The following NPR2 variants were observed in gnomAD, a reference collection of about 807,000 sequenced individuals.
NPR2 encodes atrial natriuretic peptide receptor 2.
NPR2 carries 49 observed loss-of-function variants against 120.7 expected under a neutral mutation model. The observed-to-expected ratio is 0.41, with a 90% confidence interval of 0.32 to 0.52. The LOEUF (loss-of-function observed/expected upper bound fraction) is 0.52, where lower values mean the gene tolerates loss of function less well. NPR2 is among the 20% of genes least tolerant of loss of function. The pLI is 0.36. For synonymous variants in NPR2, 484 were observed against 519.8 expected (o/e 0.93, Z 0.94); for missense variants, 931 against 1,362.9 (o/e 0.68, Z 4.99).
Position 35,799,475 on chromosome 9 carries a change from A to G in NPR2, c.874-143A>G, listed in dbSNP as rs139873747. ...ACACACACGCAGAGAGAGAGAGGTTAGTAGCCCTTTCAAAGCCTTCAGACT... is the reference window on the plus strand; with the variant it reads ...ACACACACGCAGAGAGAGAGAGGTTGGTAGCCCTTTCAAAGCCTTCAGACT... On this transcript the variant is annotated intron_variant, in intron 2 of 21. Coordinates refer to ENST00000342694, the MANE Select transcript of NPR2 (RefSeq NM_003995.4). 2.5e-4 allele frequency: 171 copies of G among 692,938 alleles called. No homozygotes were observed. The East Asian group carries it at 4.8e-3, about 19-fold the overall frequency. 42.9% of individuals were successfully genotyped at this position (692,938 alleles called of 1,614,324 possible).
Position 35,809,147 on chromosome 9 carries a change from C to T in NPR2, c.2987-9C>T. 6.2e-7 allele frequency: 1 copy of T among 1,612,094 alleles called. No homozygotes were observed. Among genetic ancestry groups the T allele is most frequent in the Non-Finnish European group, 8.5e-7 (1 of 1,178,304 alleles). On this transcript the variant is annotated splice_polypyrimidine_tract_variant and intron_variant, in intron 20 of 21. Transcript: ENST00000342694. This position sits in a 1 kb window ranked among gnomAD's most constrained non-coding sequence, Gnocchi z 4.1. ...CATTCCACCATCCTCCCCATTCCAC[C>T]CACCCCAGCGCTGAAGATCCATGTC... is the stretch of plus-strand genomic sequence containing the variant.
chr9:35,802,517 G>C lies in NPR2; in HGVS notation c.1725G>C (p.Gln575His). ...TTTTCTGCCAGATGAGAGATGTTCAGTTCAACCATCTCACTCGCTTCATTG... is the reference window on the plus strand; with the variant it reads ...TTTTCTGCCAGATGAGAGATGTTCACTTCAACCATCTCACTCGCTTCATTG... The part of the protein sequence containing the change: ...LFELKHMRDV[Q>H]FNHLTRFIGA... Residue 575 changes from glutamine to histidine, a missense_variant, in exon 11 of 22, where the codon CAG becomes CAC. This residue lies in a region of NPR2 where 681 missense variants were observed against 974.3 expected (regional missense o/e 0.70). Coordinates refer to ENST00000342694, the MANE Select transcript of NPR2 (RefSeq NM_003995.4). The surrounding 1 kb of genome is among the most constrained non-coding windows in gnomAD (Gnocchi z 4.2). The C allele has an allele frequency of 1.3e-6, 2 of 1,590,810 alleles. No homozygotes were observed. Among genetic ancestry groups the C allele is most frequent in the Non-Finnish European group, 1.7e-6 (2 of 1,158,758 alleles).
rs781541035 is a variant in NPR2 at position 35,808,750 on chromosome 9, C to T, written c.2888-5C>T. 3 of 1,613,040 alleles carry T rather than the reference C, an allele frequency of 1.9e-6. No individual in the cohort carries two copies. Among genetic ancestry groups the T allele is most frequent in the Non-Finnish European group, 2.5e-6 (3 of 1,179,088 alleles). On this transcript the variant is annotated splice_region_variant and splice_polypyrimidine_tract_variant and intron_variant, in intron 19 of 21. Coordinates refer to ENST00000342694, the MANE Select transcript of NPR2 (RefSeq NM_003995.4). The surrounding 1 kb of genome is among the most constrained non-coding windows in gnomAD (Gnocchi z 4.0). Reference sequence around the variant, plus strand: ...CAGACTCTCCCAACCTGTTTCTTCTCAAAGGGCCAGTCTGTGCTGGGGTTG... The same window carrying T: ...CAGACTCTCCCAACCTGTTTCTTCTTAAAGGGCCAGTCTGTGCTGGGGTTG...
In NPR2 at chr9:35,806,761, C is replaced by G. The variant is rs999937082; in HGVS notation, c.2519+223C>G. 1.3e-5 allele frequency among the ~76,000 whole-genome samples: 2 copies of G among 152,202 alleles called. No homozygotes were observed. Among genetic ancestry groups the G allele is most frequent in the Non-Finnish European group, 2.9e-5 (2 of 68,036 alleles). The stretch of plus-strand genomic sequence containing the variant: ...CTTCTTAAGACCCTGCTCTACCACA[C>G]CCTTGCTTCAGCAAGTGTATGTAAA... On this transcript the variant is annotated intron_variant, in intron 16 of 21. Coordinates refer to ENST00000342694, the MANE Select transcript of NPR2 (RefSeq NM_003995.4). The surrounding 1 kb of genome is among the most constrained non-coding windows in gnomAD (Gnocchi z 4.6).
rs1412769341 is a variant in NPR2, at chr9:35,800,971, TC to T, written c.1352-97del. 3.3e-6 allele frequency: 5 copies of T among 1,534,232 alleles called. No individual in the cohort carries two copies. In the African/African-American group the frequency reaches 6.8e-5, roughly 21 times the overall value. ...TCTGCATCCCTCCCTCCTCATTTCT[TC>T]CTACTCCCAAGGAGTCTGTCTATGC... On this transcript the variant is annotated intron_variant, in intron 6 of 21. Coordinates refer to ENST00000342694, the MANE Select transcript of NPR2 (RefSeq NM_003995.4). This position sits in a 1 kb window ranked among gnomAD's most constrained non-coding sequence, Gnocchi z 4.7.
In NPR2 at chr9:35,792,405, C is replaced by T. The variant is rs374426269; in HGVS notation, c.-4C>T. The stretch of plus-strand genomic sequence containing the variant: ...GGGGGCGGTGGGGCTGCTGCTTTAT[C>T]CCCATGGCGCTGCCATCACTTCTGC... On this transcript the variant is annotated 5_prime_UTR_variant, in exon 1 of 22. Coordinates refer to ENST00000342694, the MANE Select transcript of NPR2 (RefSeq NM_003995.4). 3.7e-6 allele frequency: 6 copies of T among 1,610,250 alleles called. No individual in the cohort carries two copies. The highest frequency in any genetic ancestry group is 4.2e-6 in the Non-Finnish European group (5 of 1,179,514).
chr9:35,797,830 C>T (rs13288085), intron 2 of NPR2, among the ~76,000 whole-genome samples: 21,476 of 152,000 alleles, frequency 0.14, 1,990 homozygotes, highest in East Asian at 0.3. Flanking sequence ...TTAGGGGGAC[C>T]ATGGGGTCAA....
chr9:35,806,267 G>T lies in NPR2; in HGVS notation c.2372+34G>T. ...GCATTATGGGGCAGGGGCTTCCCAG[G>T]GATAGAAGACTCATTAGTCCTAGTG... On this transcript the variant is annotated intron_variant, in intron 15 of 21. Transcript: ENST00000342694. This position sits in a 1 kb window ranked among gnomAD's most constrained non-coding sequence, Gnocchi z 4.6. 1 of 1,613,726 alleles carries T rather than the reference G, an allele frequency of 6.2e-7. No individual in the cohort carries two copies. The highest frequency in any genetic ancestry group is 8.5e-7 in the Non-Finnish European group (1 of 1,179,792).
chr9:35,801,646 G>C lies in NPR2; in HGVS notation c.1440G>C (p.Lys480Asn), dbSNP rs775388822. 21 of 1,614,108 alleles carry C rather than the reference G, an allele frequency of 1.3e-5. No homozygotes were observed. The highest frequency in any genetic ancestry group is 1.7e-5 in the Non-Finnish European group (20 of 1,180,040). ...CTGAGGTGTGCAGTCCTTACAGAAA[G>C]CTGATGCTGGAGAAGGAGCTGGCTA... ...FGVSSFLIFRKLMLEKELASM... is the reference protein window; with the variant it reads ...FGVSSFLIFRNLMLEKELASM... The change falls in exon 8 of 22, where the codon AAG becomes AAC. Residue 480 changes from lysine to asparagine, a missense_variant. Physicochemically the swap from Lys to Asn is moderately conservative, Grantham distance 94. Coordinates refer to ENST00000342694, the MANE Select transcript of NPR2 (RefSeq NM_003995.4).
In NPR2 at chr9:35,805,992, G is replaced by T; in HGVS notation, c.2203+7G>T. 7.4e-6 allele frequency: 12 copies of T among 1,614,180 alleles called. No homozygotes were observed. The highest frequency in any genetic ancestry group is 9.3e-6 in the Non-Finnish European group (11 of 1,180,034). On this transcript the variant is annotated splice_region_variant and intron_variant, in intron 14 of 21. Transcript: ENST00000342694. The surrounding 1 kb of genome is among the most constrained non-coding windows in gnomAD (Gnocchi z 4.9). Reference sequence around the variant, plus strand: ...CTGGACCTCAGCCCCAAAGGTAAGAGTCAATCCACTACCCACAGCCTCTTC... The same window carrying T: ...CTGGACCTCAGCCCCAAAGGTAAGATTCAATCCACTACCCACAGCCTCTTC...
chr9:35,796,847 G>T (rs536963037), intron 2 of NPR2, among the ~76,000 whole-genome samples: 8 of 152,290 alleles, frequency 5.3e-5, no homozygotes, highest in African/African-American at 1.9e-4. Flanking sequence ...AAGCAAGGAT[G>T]AAAGAGCACA....
At chr9:35,804,059 A>G (rs1828272860) in intron 12 of NPR2, among the ~76,000 whole-genome samples, 1 of 152,244 alleles carries the variant, frequency 6.6e-6, no homozygotes, top group Admixed American at 6.5e-5. Flanking sequence ...GTTGATACCA[A>G]AATAAATAAA....
rs28764010 is a variant in NPR2 at position 35,800,256 on chromosome 9, G to A, written c.1123+99G>A. The A allele has an allele frequency of 4.9e-3, 6,915 of 1,418,638 alleles. 24 individuals are homozygous for A. The highest frequency in any genetic ancestry group is 6.3e-3 in the Non-Finnish European group (6,336 of 1,001,948). 87.9% of individuals were successfully genotyped at this position (1,418,638 alleles called of 1,614,324 possible). On this transcript the variant is annotated intron_variant, in intron 4 of 21. Transcript: ENST00000342694. This position sits in a 1 kb window ranked among gnomAD's most constrained non-coding sequence, Gnocchi z 4.7. ...CAGGATCACCACAGCTTTAGTGGGGGTTAGTGAATATGGCAGAGTTGCCCA... is the reference window on the plus strand; with the variant it reads ...CAGGATCACCACAGCTTTAGTGGGGATTAGTGAATATGGCAGAGTTGCCCA...
In NPR2 at chr9:35,799,446, GCA is replaced by G. The variant is rs3069788; in HGVS notation, c.874-162_874-161del. Among the ~76,000 whole-genome samples, 22 of 144,058 alleles carry G rather than the reference GCA, an allele frequency of 1.5e-4. No homozygotes were observed. The South Asian group carries it at 2.9e-3, about 19-fold the overall frequency. The allele number at this position is 144,058 out of a possible 152,430, so 94.5% of individuals were successfully genotyped here. ...CACACACACACACACACACACACACGCACACACACACGCAGAGAGAGAGAGGT... is the reference window on the plus strand; with the variant it reads ...CACACACACACACACACACACACACGCACACACACGCAGAGAGAGAGAGGT... On this transcript the variant is annotated intron_variant, in intron 2 of 21. Transcript: ENST00000342694.
chr9:35,807,443 AC>A (rs1348730713), intron 18 of NPR2, 45 bp downstream of exon 18: 1 of 1,463,772 alleles, frequency 6.8e-7, no homozygotes, highest in Non-Finnish European at 9.6e-7. Flanking sequence ...TTTAATAGAG[AC>A]CCGCTTTGAA....
At position 35,806,163 on chromosome 9, in the gene NPR2, T is replaced by C. The variant is rs1057519333; in HGVS notation, c.2302T>C (p.Cys768Arg). The C allele has an allele frequency of 6.2e-7, 1 of 1,614,252 alleles. No homozygotes were observed. The highest frequency in any genetic ancestry group is 1.1e-5 in the South Asian group (1 of 91,086). Residue 768 changes from cysteine to arginine, a missense_variant, in exon 15 of 22, where the codon TGT (cysteine) becomes CGT (arginine). Transcript: ENST00000342694. This position sits in a 1 kb window ranked among gnomAD's most constrained non-coding sequence, Gnocchi z 4.6. ...NEELVLLMER[C>R]WAQDPAERPD... ...AGAGCTAGTTTTGCTGATGGAGCGA[T>C]GTTGGGCTCAGGACCCAGCTGAGCG...
rs1393820479 is a variant in NPR2 at position 35,792,717 on chromosome 9, C to T, written c.309C>T (p.Tyr103=). 3 of 1,614,166 alleles carry T rather than the reference C, an allele frequency of 1.9e-6. No homozygotes were observed. The highest frequency in any genetic ancestry group is 3.3e-5 in the Admixed American group (2 of 60,034). ...PDLLLGPGCV[Y]PAASVARFAS... ...TGCTGTTAGGTCCCGGTTGCGTGTA[C>T]CCTGCTGCCTCTGTGGCCCGCTTTG... Residue 103 remains tyrosine, a synonymous_variant, in exon 1 of 22, where the codon TAC becomes TAT. Transcript: ENST00000342694.
intron 8 of NPR2, 54 bp from the exon 9 acceptor site, chr9:35,801,872 C>T (rs1057092131): frequency 6.2e-7 from 1 of 1,604,544 alleles, no homozygotes; most frequent in South Asian, 1.1e-5. Flanking sequence ...TGCACTACCA[C>T]CATCATCTAA....
Position 35,800,942 on chromosome 9 carries a change from T to A in NPR2, c.1351+101T>A. 6.4e-7 allele frequency: 1 copy of A among 1,564,740 alleles called. No individual in the cohort carries two copies. The highest frequency in any genetic ancestry group is 8.8e-7 in the Non-Finnish European group (1 of 1,134,996). Reference sequence around the variant, plus strand: ...CCACTCTTAACTGTGCTTCTGCCTTTACGTCTGCATCCCTCCCTCCTCATT... The same window carrying A: ...CCACTCTTAACTGTGCTTCTGCCTTAACGTCTGCATCCCTCCCTCCTCATT... On this transcript the variant is annotated intron_variant, in intron 6 of 21. Transcript: ENST00000342694. This position sits in a 1 kb window ranked among gnomAD's most constrained non-coding sequence, Gnocchi z 4.7.
Sources: allele counts gnomAD v4.1 joint callset (sites outside exome capture counted in the v4.1 genomes callset), GRCh38; gene constraint gnomAD v4.1.1; regional missense constraint gnomAD v4.1.1; non-coding constraint Gnocchi (gnomAD v3.1); transcripts MANE v1.5; gene names NCBI Gene and HGNC (gene_info 2026-07-23, HGNC 2026-07-21).